The following AP3D1 variants were observed in gnomAD, a reference collection of about 807,000 sequenced individuals.
AP3D1 encodes the protein adaptor related protein complex 3 subunit delta 1, also known as AP-3 complex subunit delta-1.
In AP3D1, 51 loss-of-function variants were observed where a neutral mutation model predicts 147.6. The observed-to-expected ratio is 0.35, with a 90% CI of 0.28 to 0.44. The LOEUF (loss-of-function observed/expected upper bound fraction) is 0.44. AP3D1 is among the 20% of genes least tolerant of loss of function. AP3D1 has a pLI of 1.00. For synonymous variants in AP3D1, 760 were observed against 663.0 expected, an observed-to-expected ratio of 1.15 and a Z score of -2.25; for missense variants, 1,421 against 1,624.2, an observed-to-expected ratio of 0.87 and a Z score of 2.15.
At chr19:2,146,867 C>A (rs1053340316) in intron 1 of AP3D1, among the ~76,000 whole-genome samples, 3 of 152,108 alleles carry the variant, frequency 2.0e-5, no homozygotes, top group African/African-American at 7.2e-5. Flanking sequence ...GGTCTGGGCA[C>A]ACCTGTGGCT....
intron 16 of AP3D1, 172 bp from the exon 17 acceptor site, chr19:2,116,918 G>T: frequency 1.0e-6 from 1 of 982,776 alleles, no homozygotes; most frequent in Non-Finnish European, 1.4e-6. Flanking sequence ...AGAGGACGCA[G>T]GGACCCAGGA....
chr19:2,162,522 G>A (rs1250683813), intron 1 of AP3D1, among the ~76,000 whole-genome samples: 5 of 151,500 alleles, frequency 3.3e-5, no homozygotes, highest in South Asian at 2.1e-4. Flanking sequence ...TTAACCGGGC[G>A]TGGTGACTCG....
chr19:2,163,852 TGGGCGGCGGGCACGC>T (rs2019803225), intron 1 of AP3D1, among the ~76,000 whole-genome samples: 1 of 149,736 alleles, frequency 6.7e-6, no homozygotes, highest in Admixed American at 6.6e-5. Context: ...GTCGGCCCGC[TGGGCGGCGGGCACGC>T]GCCGGCGTCT....
rs771620644 is a variant in AP3D1, at chr19:2,138,623, G to A, written c.188C>T (p.Thr63Met). 13 of 1,613,526 alleles carry A rather than the reference G, an allele frequency of 8.1e-6. No homozygotes were observed. Among genetic ancestry groups the A allele is most frequent in the Admixed American group, 3.3e-5 (2 of 59,988 alleles). Residue 63 changes from threonine (T) to methionine (M), a missense_variant, in exon 2 of 32, where the codon ACG becomes ATG. By Grantham distance (81) the Thr-to-Met change is moderately conservative. Around this residue, in one of 6 missense-constraint regions of AP3D1, gnomAD observed 292 missense variants for 412.0 expected, o/e 0.71. Coordinates refer to ENST00000643116, the MANE Select transcript of AP3D1 (RefSeq NM_001261826.3). ...TGGCCACTGGGAGGCACTTACATAC[G>A]TCAGCTTGCAGACCGCGTTCGCCTT... Reference protein sequence around the residue: ...AVKANAVCKLTYLQMLGYDIS... With the variant: ...AVKANAVCKLMYLQMLGYDIS...
At chr19:2,135,484 C>T (rs372396513) in intron 4 of AP3D1, among the ~76,000 whole-genome samples, 4 of 152,100 alleles carry the variant, frequency 2.6e-5, no homozygotes, top group Admixed American at 6.6e-5. Flanking sequence ...TGCGGTGAGC[C>T]GACATCACGC....
At chr19:2,115,769 G>A (rs1038322270) in intron 18 of AP3D1, among the ~76,000 whole-genome samples, 156 bp from the exon 19 acceptor site, 34 of 152,234 alleles carry the variant, frequency 2.2e-4, no homozygotes, top group Non-Finnish European at 1.5e-4. Flanking sequence ...GTGAGCGAGC[G>A]CATCCCGAGG....
intron 1 of AP3D1, chr19:2,164,216 C>A: frequency 7.8e-7 from 1 of 1,280,776 alleles, no homozygotes; most frequent in Admixed American, 3.4e-5. Context: ...AGACTGAAGT[C>A]GCCCGTGGGG....
intron 1 of AP3D1, among the ~76,000 whole-genome samples, chr19:2,161,926 C>T (rs190572369): frequency 8.6e-5 from 13 of 150,748 alleles, no homozygotes; most frequent in Non-Finnish European, 8.8e-5. Context: ...CCAGCCTAGG[C>T]GAGAGTAAGA....
In AP3D1 at chr19:2,151,377, G is replaced by C; in HGVS notation, c.-43C>G. The stretch of plus-strand genomic sequence containing the variant: ...TTTTGCCTCGGGAGGCCCGCGGCTG[G>C]GCGCCGTGAGGGGGCCCGGGGCCCG... On this transcript the variant is annotated 5_prime_UTR_variant, in exon 1 of 32. Coordinates refer to ENST00000643116, the MANE Select transcript of AP3D1 (RefSeq NM_001261826.3). The C allele has an allele frequency of 7.0e-7, 1 of 1,419,852 alleles. No homozygotes were observed. Among genetic ancestry groups the C allele is most frequent in the Non-Finnish European group, 9.4e-7 (1 of 1,064,566 alleles). The allele number at this position is 1,419,852 out of a possible 1,614,324, so 88.0% of individuals were successfully genotyped here.
At chr19:2,145,573 G>GT (rs2019334361) in intron 1 of AP3D1, among the ~76,000 whole-genome samples, 1 of 152,288 alleles carries the variant, frequency 6.6e-6, no homozygotes, top group South Asian at 2.1e-4. Context: ...CCAGCCTGAT[G>GT]TCCACAGTGC....
chr19:2,128,905 CCCGCCGCT>C (rs1599472315), intron 8 of AP3D1, among the ~76,000 whole-genome samples, 177 bp downstream of exon 8: 14 of 118 alleles, frequency 0.12, 6 homozygotes, highest in African/African-American at 0.2. Flanking sequence ...CCGGCCCGCC[CCCGCCGCT>C]CCAACACTGC....
intron 9 of AP3D1, among the ~76,000 whole-genome samples, chr19:2,126,066 G>T (rs560307076): frequency 6.6e-6 from 1 of 150,928 alleles, no homozygotes; most frequent in South Asian, 2.1e-4. Flanking sequence ...GGTCAAGGCT[G>T]CAGTGAGCTA....
chr19:2,116,997 G>A, intron 16 of AP3D1: 1 of 792,892 alleles, frequency 1.3e-6, no homozygotes, highest in Non-Finnish European at 1.9e-6. Context: ...TATGGCAAGG[G>A]TGGGAGCAGG....
upstream of AP3D1, among the ~76,000 whole-genome samples, chr19:2,154,601 A>C (rs1206643148): frequency 6.6e-6 from 1 of 152,190 alleles, no homozygotes; most frequent in Admixed American, 6.6e-5. Context: ...TTTAGTCCTC[A>C]GGCGAAGCCC....
chr19:2,156,383 T>C (rs997561142), upstream of AP3D1, among the ~76,000 whole-genome samples: 1 of 151,794 alleles, frequency 6.6e-6, no homozygotes, highest in African/African-American at 2.4e-5. Flanking sequence ...CATACATACA[T>C]CTACCCACCC....
chr19:2,151,115 A>G lies in AP3D1; in HGVS notation c.96+124T>C, dbSNP rs1326654823. 8.9e-6 allele frequency: 8 copies of G among 895,620 alleles called. 1 individual carries two copies. The East Asian group carries it at 1.9e-4, about 22-fold the overall frequency. The allele number at this position is 895,620 out of a possible 1,614,324, so 55.5% of individuals were successfully genotyped here. On this transcript the variant is annotated intron_variant, in intron 1 of 31. Transcript: ENST00000643116. ...CAGGCCAGGCAGGGCCGGAGCCCTA[A>G]GCGGGACCTCCAACTAAGACAGAGC...
chr19:2,160,579 G>C (rs2019688649), intron 1 of AP3D1, among the ~76,000 whole-genome samples: 1 of 151,990 alleles, frequency 6.6e-6, no homozygotes, highest in Non-Finnish European at 1.5e-5. Context: ...CACACCTGGA[G>C]TCCAGTCCAT....
At chr19:2,113,020 C>A in intron 23 of AP3D1, 53 bp from the exon 24 acceptor site, 1 of 1,348,682 alleles carries the variant, frequency 7.4e-7, no homozygotes, top group East Asian at 2.4e-5. Context: ...GGCCCCACTC[C>A]ACTGCACCCC....
At chr19:2,116,775 C>G in intron 16 of AP3D1, 29 bp from the exon 17 acceptor site, 1 of 1,576,884 alleles carries the variant, frequency 6.3e-7, no homozygotes, top group Non-Finnish European at 8.6e-7. Flanking sequence ...CCACACAAGG[C>G]AGTGTGTGAC....
Sources: allele counts gnomAD v4.1 joint callset (sites outside exome capture counted in the v4.1 genomes callset), GRCh38; gene constraint gnomAD v4.1.1; regional missense constraint gnomAD v4.1.1; transcripts MANE v1.5; gene names NCBI Gene and HGNC (gene_info 2026-07-23, HGNC 2026-07-21).